CSMD1: variants seen among roughly 807,000 people sequenced by gnomAD.
CSMD1 encodes the protein CUB and sushi domain-containing protein 1.
A neutral mutation model predicts 417.5 loss-of-function variants in CSMD1; 213 were observed. The observed-to-expected ratio is 0.51, with a 90% CI of 0.46 to 0.57. The LOEUF (loss-of-function observed/expected upper bound fraction) is 0.57, where lower values mean the gene tolerates loss of function less well. Among genes scored for constraint, CSMD1 ranks in the 20% least tolerant of loss-of-function variants. CSMD1 has a pLI of 0.00. For missense variants in CSMD1, 6,923 were observed against 4,529.7 expected (o/e 1.53, Z -15.17); for synonymous variants, 2,862 against 1,736.8 (o/e 1.65, Z -16.11).
chr8:3,871,671 A>G lies in CSMD1; in HGVS notation c.819-117629T>C, dbSNP rs564486249. Among the ~76,000 whole-genome samples the G allele has an allele frequency of 1.8e-3, 279 of 152,302 alleles. 1 individual carries two copies. Among genetic ancestry groups the G allele is most frequent in the Non-Finnish European group, 1.7e-3 (115 of 68,036 alleles). ...TAGTCTCAACCTTTAATCTTTTCATACAGAGGTCAATCATTTTCACCCAGG... is the reference window on the plus strand; with the variant it reads ...TAGTCTCAACCTTTAATCTTTTCATGCAGAGGTCAATCATTTTCACCCAGG... On this transcript the variant is annotated intron_variant, in intron 5 of 69. Transcript: ENST00000635120.
At chr8:4,129,987 T>C (rs1000819969) in intron 3 of CSMD1, among the ~76,000 whole-genome samples, 1 of 152,168 alleles carries the variant, frequency 6.6e-6, no homozygotes, top group African/African-American at 2.4e-5. Context: ...CTTTACCCTA[T>C]GTGTTTATTG....
At chr8:4,252,754 C>G (rs1230556062) in intron 3 of CSMD1, among the ~76,000 whole-genome samples, 1 of 152,194 alleles carries the variant, frequency 6.6e-6, no homozygotes, top group Non-Finnish European at 1.5e-5. Context: ...TTAGATGGGA[C>G]TGCAGTGGCA....
intron 3 of CSMD1, among the ~76,000 whole-genome samples, chr8:4,180,595 A>T (rs1021543033): frequency 6.7e-6 from 1 of 149,176 alleles, no homozygotes; most frequent in Admixed American, 6.6e-5. Context: ...AAAAAAAGAA[A>T]AAATAAAATA....
intron 10 of CSMD1, among the ~76,000 whole-genome samples, chr8:3,536,686 G>C (rs995261162): frequency 1.3e-5 from 2 of 152,152 alleles, no homozygotes; most frequent in Admixed American, 6.5e-5. Flanking sequence ...CAGAGCAATA[G>C]GATCTGTGCC....
At chr8:4,329,849 T>TACACACACACAC (rs3067537) in intron 3 of CSMD1, among the ~76,000 whole-genome samples, 1 of 150,186 alleles carries the variant, frequency 6.7e-6, no homozygotes, top group Non-Finnish European at 1.5e-5. Context: ...CCACCCTGCT[T>TACACACACACAC]ACACACACAC....
At chr8:4,846,803 G>A (rs1038076312) in intron 1 of CSMD1, among the ~76,000 whole-genome samples, 1 of 152,222 alleles carries the variant, frequency 6.6e-6, no homozygotes, top group Admixed American at 6.5e-5. Context: ...GACAGCAAAT[G>A]TGTTTGCAAA....
intron 6 of CSMD1, among the ~76,000 whole-genome samples, chr8:3,720,343 T>G (rs1215552691): frequency 6.6e-6 from 1 of 152,172 alleles, no homozygotes; most frequent in Non-Finnish European, 1.5e-5. Context: ...GAAAGTGACT[T>G]TGGCAACTCC....
At chr8:3,809,639 G>A (rs1238870710) in intron 5 of CSMD1, among the ~76,000 whole-genome samples, 2 of 152,140 alleles carry the variant, frequency 1.3e-5, no homozygotes, top group Non-Finnish European at 2.9e-5. Context: ...TGGCGGCTAA[G>A]AATTCTCATT....
intron 26 of CSMD1, among the ~76,000 whole-genome samples, chr8:3,272,987 A>G (rs1801981724): frequency 6.6e-6 from 1 of 150,804 alleles, no homozygotes; most frequent in Non-Finnish European, 1.5e-5. Flanking sequence ...GAGTGGTGAG[A>G]GAGGGCATCC....
At chr8:3,759,609 G>A (rs907612089) in intron 5 of CSMD1, among the ~76,000 whole-genome samples, 4 of 151,870 alleles carry the variant, frequency 2.6e-5, no homozygotes, top group African/African-American at 9.7e-5. Flanking sequence ...AAAGAGAATA[G>A]GGTGCCAGGC....
chr8:3,256,785 A>G (rs879535297), intron 26 of CSMD1, among the ~76,000 whole-genome samples: 2 of 152,224 alleles, frequency 1.3e-5, no homozygotes, highest in Non-Finnish European at 2.9e-5. Context: ...TTATTTAACC[A>G]AAGGCATCTT....
chr8:4,161,726 C>A (rs953704364), intron 3 of CSMD1, among the ~76,000 whole-genome samples: 1 of 152,106 alleles, frequency 6.6e-6, no homozygotes, highest in South Asian at 2.1e-4. Flanking sequence ...ACCATTGCTG[C>A]CATCATTTTT....
At chr8:4,960,274 A>C (rs2117327983) in intron 1 of CSMD1, among the ~76,000 whole-genome samples, 1 of 152,328 alleles carries the variant, frequency 6.6e-6, no homozygotes, top group Non-Finnish European at 1.5e-5. Flanking sequence ...AACTATACAT[A>C]ACATTTGTTT....
chr8:3,737,623 G>C (rs1461317070), intron 6 of CSMD1, among the ~76,000 whole-genome samples: 1 of 152,076 alleles, frequency 6.6e-6, no homozygotes, highest in Non-Finnish European at 1.5e-5. Context: ...CAGTTACTAA[G>C]CTTTTTTTAA....
chr8:3,000,224 T>C (rs554174057), intron 52 of CSMD1, 93 bp from the exon 53 acceptor site: 10 of 753,608 alleles, frequency 1.3e-5, no homozygotes, highest in African/African-American at 7.2e-5. Context: ...AATAACAGTA[T>C]TGAAGGCGCA....
chr8:4,664,845 C>G (rs1804815731), intron 1 of CSMD1, among the ~76,000 whole-genome samples: 1 of 152,084 alleles, frequency 6.6e-6, no homozygotes, highest in Non-Finnish European at 1.5e-5. Context: ...AAATGGATTA[C>G]ATCCATCCAA....
intron 5 of CSMD1, among the ~76,000 whole-genome samples, chr8:3,881,570 A>T (rs1183878683): frequency 6.7e-6 from 1 of 148,500 alleles, no homozygotes; most frequent in Non-Finnish European, 1.5e-5. Context: ...GAGCCATTGC[A>T]GTCCAGCCTG....
chr8:4,445,614 C>T (rs927698745), intron 2 of CSMD1, among the ~76,000 whole-genome samples: 12 of 152,084 alleles, frequency 7.9e-5, no homozygotes, highest in Admixed American at 3.9e-4. Context: ...TGTTCAGAGT[C>T]GAACTGGGCC....
intron 26 of CSMD1, among the ~76,000 whole-genome samples, chr8:3,274,463 G>C (rs1393869557): frequency 6.6e-6 from 1 of 152,146 alleles, no homozygotes; most frequent in Non-Finnish European, 1.5e-5. Context: ...GCAGAGCTGA[G>C]TTAAGTTCCT....
Sources: gnomAD v4.1 joint callset for allele counts (sites outside exome capture counted in the v4.1 genomes callset) on GRCh38, gnomAD v4.1.1 for gene constraint, MANE v1.5 for transcripts, NCBI Gene and HGNC (gene_info 2026-07-23, HGNC 2026-07-21) for gene names.